CELF2: variants seen among roughly 807,000 people sequenced by gnomAD.
CELF2 encodes the protein CUG triplet repeat RNA-binding protein 2.
Under a neutral mutation model 62.6 loss-of-function variants are expected in CELF2, and 8 were observed. That is an observed-to-expected ratio of 0.13 (90% confidence interval 0.07 to 0.23). The LOEUF (loss-of-function observed/expected upper bound fraction) is 0.23, where lower values mean the gene tolerates loss of function less well. Ranked by LOEUF, CELF2 falls within the 10% of genes least tolerant of loss-of-function variation. CELF2 has a pLI of 1.00. For synonymous variants in CELF2, 258 were observed against 250.0 expected, an observed-to-expected ratio of 1.03 and a Z score of -0.30; for missense variants, 333 against 671.0, an observed-to-expected ratio of 0.50 and a Z score of 5.56.
chr10:10,476,024 T>C, the CELF2 span, among the ~76,000 whole-genome samples: 1 of 152,064 alleles, frequency 6.6e-6, no homozygotes, highest in Non-Finnish European at 1.5e-5. Context: ...CCACAGAGAC[T>C]GCTGGGTTTT....
chr10:11,310,116 A>C (rs542613352), intron 9 of CELF2, among the ~76,000 whole-genome samples: 1 of 152,296 alleles, frequency 6.6e-6, no homozygotes, highest in Admixed American at 6.5e-5. Context: ...CCTAGCGTAG[A>C]GCTTCCCCTC....
At chr10:10,824,913 G>A (rs2057263311) in intron 1 of CELF2, among the ~76,000 whole-genome samples, 1 of 152,102 alleles carries the variant, frequency 6.6e-6, no homozygotes, top group African/African-American at 2.4e-5. Flanking sequence ...CATGGACCTG[G>A]GCCACCTAAT....
the CELF2 span, among the ~76,000 whole-genome samples, chr10:10,686,473 G>T: frequency 0.023 from 3,446 of 152,180 alleles, 117 homozygotes; most frequent in African/African-American, 0.078. Flanking sequence ...TTATGGTTTG[G>T]CTCTGTGTCC....
At chr10:11,151,686 G>A (rs1037842651) in intron 1 of CELF2, among the ~76,000 whole-genome samples, 5 of 152,054 alleles carry the variant, frequency 3.3e-5, no homozygotes, top group Admixed American at 2.0e-4. Context: ...GAGGAATGAG[G>A]CTGTGTTTTC....
chr10:11,140,825 C>T (rs1409672867), intron 1 of CELF2, among the ~76,000 whole-genome samples: 3 of 152,120 alleles, frequency 2.0e-5, no homozygotes, highest in Non-Finnish European at 2.9e-5. Flanking sequence ...AAGACCAGCC[C>T]GGGCAACACA....
the CELF2 span, among the ~76,000 whole-genome samples, chr10:10,546,980 G>T: frequency 6.6e-6 from 1 of 152,034 alleles, no homozygotes; most frequent in Non-Finnish European, 1.5e-5. Context: ...GGTGGCATGC[G>T]CCTGTGATCC....
chr10:10,545,635 A>G, the CELF2 span, among the ~76,000 whole-genome samples: 1 of 152,162 alleles, frequency 6.6e-6, no homozygotes, highest in South Asian at 2.1e-4. Flanking sequence ...TTGGGTTGCT[A>G]TTATCCTCAG....
At chr10:11,179,715 G>A (rs1417490447) in intron 2 of CELF2, among the ~76,000 whole-genome samples, 1 of 152,134 alleles carries the variant, frequency 6.6e-6, no homozygotes, top group African/African-American at 2.4e-5. Flanking sequence ...GTGTGCCTGT[G>A]TTGGGGAGAG....
rs922081038 is a variant in CELF2, at chr10:10,899,607, C to T, written c.54-20357C>T. ...TCTTAGCTTGCAGACTGTACTAGTC[C>T]GTTCTCGCACTGCTATAAAGAAATA... is the stretch of plus-strand genomic sequence containing the variant. On this transcript the variant is annotated intron_variant, in intron 1 of 13. Coordinates refer to the CELF2 transcript ENST00000636488. Among the ~76,000 whole-genome samples, 7 of 152,238 alleles carry T rather than the reference C, an allele frequency of 4.6e-5. No homozygotes were observed. In the East Asian group the frequency reaches 5.8e-4, roughly 13 times the overall value.
At chr10:10,779,342 AAT>A in the CELF2 span, among the ~76,000 whole-genome samples, 2 of 152,174 alleles carry the variant, frequency 1.3e-5, no homozygotes, top group African/African-American at 4.8e-5. Context: ...GTAAAGACTA[AAT>A]ATGAGGACCC....
At chr10:11,079,339 A>G (rs912277727) in intron 1 of CELF2, among the ~76,000 whole-genome samples, 4 of 152,334 alleles carry the variant, frequency 2.6e-5, no homozygotes, top group African/African-American at 9.6e-5. Context: ...TTTAGGTTGA[A>G]GTACAGCTGT....
chr10:10,649,089 C>T, the CELF2 span, among the ~76,000 whole-genome samples: 3 of 152,278 alleles, frequency 2.0e-5, no homozygotes, highest in South Asian at 2.1e-4. Flanking sequence ...CCTTTTGAAA[C>T]GGGCACTGGT....
At chr10:10,501,397 C>T in the CELF2 span, among the ~76,000 whole-genome samples, 1,819 of 152,174 alleles carry the variant, frequency 0.012, 30 homozygotes, top group African/African-American at 0.038. Context: ...TTGACTTCCG[C>T]GTATCCTCTT....
At chr10:10,573,872 C>G in the CELF2 span, among the ~76,000 whole-genome samples, 1 of 152,000 alleles carries the variant, frequency 6.6e-6, no homozygotes, top group East Asian at 1.9e-4. Context: ...TAAGACCAAG[C>G]CCCTACTTTC....
intron 1 of CELF2, among the ~76,000 whole-genome samples, chr10:11,053,286 A>G (rs549118225): frequency 1.6e-4 from 24 of 152,288 alleles, no homozygotes; most frequent in African/African-American, 5.8e-4. Flanking sequence ...GTTTTCCCTC[A>G]ATAGACCATA....
intron 12 of CELF2, among the ~76,000 whole-genome samples, chr10:11,326,521 C>T (rs1048734493): frequency 2.6e-5 from 4 of 152,180 alleles, no homozygotes; most frequent in Non-Finnish European, 4.4e-5. Context: ...AGTCCAGGGG[C>T]GTGCAGCTGT....
At chr10:10,611,573 A>T in the CELF2 span, among the ~76,000 whole-genome samples, 1 of 152,172 alleles carries the variant, frequency 6.6e-6, no homozygotes, top group African/African-American at 2.4e-5. Flanking sequence ...AATTACTGCT[A>T]ACAACCCTAC....
chr10:11,015,351 T>A (rs1311880592), upstream of CELF2, among the ~76,000 whole-genome samples: 1 of 152,226 alleles, frequency 6.6e-6, no homozygotes, highest in Middle Eastern at 3.2e-3. This position sits in a 1 kb window ranked among gnomAD's most constrained non-coding sequence, Gnocchi z 4.8. Context: ...GCTGTGATCA[T>A]GGAAACCGAC....
At chr10:11,196,511 A>G (rs141206658) in intron 2 of CELF2, among the ~76,000 whole-genome samples, 61 of 152,114 alleles carry the variant, frequency 4.0e-4, no homozygotes, top group African/African-American at 1.3e-3. Context: ...CAAAAAAAAT[A>G]ACAAAATTAG....
Sources: gnomAD v4.1 joint callset for allele counts (sites outside exome capture counted in the v4.1 genomes callset) on GRCh38, gnomAD v4.1.1 for gene constraint, Gnocchi (gnomAD v3.1) non-coding constraint, MANE v1.5 for transcripts, NCBI Gene and HGNC (gene_info 2026-07-23, HGNC 2026-07-21) for gene names.